Variants in OTOGL observed in about 807,000 individuals in gnomAD.
OTOGL encodes the protein otogelin like, also known as otogelin-like protein.
OTOGL carries 285 observed loss-of-function variants against 318.5 expected under a neutral mutation model. The ratio of observed to expected loss-of-function variants is 0.89; its 90% CI spans 0.81 to 0.99. The LOEUF is 0.99. Ranked by LOEUF, OTOGL falls within the 50% of genes least tolerant of loss-of-function variation. OTOGL has a pLI of 0.00. For synonymous variants in OTOGL, 987 were observed against 936.5 expected (o/e 1.05, Z -0.99); for missense variants, 2,899 against 2,845.6 (o/e 1.02, Z -0.43).
intron 44 of OTOGL, among the ~76,000 whole-genome samples, chr12:80,345,993 C>T (rs969773160): frequency 1.2e-4 from 19 of 152,052 alleles, no homozygotes; most frequent in African/African-American, 1.9e-4. Flanking sequence ...TATTGCAAAA[C>T]GGAGGTAGAG....
chr12:80,322,194 G>A (rs1219567247), intron 34 of OTOGL, among the ~76,000 whole-genome samples: 1 of 152,138 alleles, frequency 6.6e-6, no homozygotes, highest in African/African-American at 2.4e-5. Flanking sequence ...CCTACACTGT[G>A]CTCTTGAGAA....
In OTOGL at chr12:80,341,845, G is replaced by A. The variant is rs1592730131; in HGVS notation, c.5051-103G>A. The A allele has an allele frequency of 5.1e-6, 4 of 789,814 alleles. No individual in the cohort carries two copies. The East Asian group carries it at 1.1e-4, about 21-fold the overall frequency. 48.9% of individuals were successfully genotyped at this position (789,814 alleles called of 1,614,324 possible). ...GATACATAAACTTGGTACCTTATATGGTAAATCATTTGTTCATTTAAAATC... is the reference window on the plus strand; with the variant it reads ...GATACATAAACTTGGTACCTTATATAGTAAATCATTTGTTCATTTAAAATC... On this transcript the variant is annotated intron_variant, in intron 43 of 58. Coordinates refer to ENST00000547103, the MANE Select transcript of OTOGL (RefSeq NM_001378609.3).
chr12:80,302,627 T>C lies in OTOGL; in HGVS notation c.3064-7T>C, dbSNP rs778484684. 4.0e-5 allele frequency: 54 copies of C among 1,341,512 alleles called. No homozygotes were observed. The highest frequency in any genetic ancestry group is 1.4e-4 in the Admixed American group (4 of 29,030). 83.1% of individuals were successfully genotyped at this position (1,341,512 alleles called of 1,614,324 possible). ...TCACTTTGTTTATTTTCTTTTTTGT[T>C]TTTAAGAAACAATCAGGTTTTTTTC... On this transcript the variant is annotated splice_polypyrimidine_tract_variant and splice_region_variant and intron_variant, in intron 27 of 58. Coordinates refer to ENST00000547103, the MANE Select transcript of OTOGL (RefSeq NM_001378609.3).
Position 80,252,257 on chromosome 12 carries a change from T to C in OTOGL, c.1285+56T>C. ...ACTCATGGAAACTAGTACCCAGTGA[T>C]CTAAGGATCACATCTTCGTTTTGCT... On this transcript the variant is annotated intron_variant, in intron 13 of 58. Coordinates refer to ENST00000547103, the MANE Select transcript of OTOGL (RefSeq NM_001378609.3). The C allele has an allele frequency of 2.0e-6, 3 of 1,499,596 alleles. No individual in the cohort carries two copies. The Admixed American group carries it at 6.5e-5, about 32-fold the overall frequency. 92.9% of individuals were successfully genotyped at this position (1,499,596 alleles called of 1,614,324 possible).
At chr12:80,103,372 T>A in intron 1 of OTOGL, 3 of 1,012,450 alleles carry the variant, frequency 3.0e-6, no homozygotes, top group Non-Finnish European at 4.6e-6. Context: ...CTTCTTTTCT[T>A]TTCTTGCAGG....
In OTOGL at chr12:80,318,592, C is replaced by G; in HGVS notation, c.3681C>G (p.Gly1227=). Residue 1227 remains glycine, a synonymous_variant, in exon 33 of 59, where the codon GGC becomes GGG. Coordinates refer to ENST00000547103, the MANE Select transcript of OTOGL (RefSeq NM_001378609.3). ...PYMLASYGQS[G]LVLGANMTSR... Reference sequence around the variant, plus strand: ...TGCTGGCAAGCTATGGGCAGAGTGGCCTTGTTCTGGGGGCCAATATGACCA... The same window carrying G: ...TGCTGGCAAGCTATGGGCAGAGTGGGCTTGTTCTGGGGGCCAATATGACCA... The G allele has an allele frequency of 6.9e-7, 1 of 1,442,896 alleles. No individual in the cohort carries two copies. The highest frequency in any genetic ancestry group is 9.1e-7 in the Non-Finnish European group (1 of 1,098,784). The allele number at this position is 1,442,896 out of a possible 1,614,324, so 89.4% of individuals were successfully genotyped here. A position where few individuals can be genotyped will look rare whatever the true frequency, so the allele number is the denominator to read the frequency against.
In OTOGL at chr12:80,267,245, TCGTATAGATTCCACTGC is replaced by T. The variant is rs757652788; in HGVS notation, c.2391-4_2403del. ...GTATCCTATTTACTTTACTTTTTCT[TCGTATAGATTCCACTGC>T]CGTTGTCATTATAGGGGCAGTGTTT... On this transcript the variant is annotated splice_acceptor_variant and splice_polypyrimidine_tract_variant and coding_sequence_variant and intron_variant, in exon 22 of 59. Coordinates refer to ENST00000547103, the MANE Select transcript of OTOGL (RefSeq NM_001378609.3). LOFTEE classifies it high-confidence loss of function. 6.6e-7 allele frequency: 1 copy of T among 1,505,748 alleles called. No individual in the cohort carries two copies. Among genetic ancestry groups the T allele is most frequent in the Non-Finnish European group, 9.1e-7 (1 of 1,103,642 alleles). 93.3% of individuals were successfully genotyped at this position (1,505,748 alleles called of 1,614,324 possible). A position where few individuals can be genotyped will look rare whatever the true frequency, so the allele number is the denominator to read the frequency against.
chr12:80,132,620 T>C (rs897778418), intron 1 of OTOGL: 1 of 151,430 alleles, frequency 6.6e-6, no homozygotes, highest in African/African-American at 2.5e-5. Flanking sequence ...AATGAAGGTA[T>C]TAAACTATTA....
intron 38 of OTOGL, among the ~76,000 whole-genome samples, chr12:80,333,412 T>G (rs1033078993): frequency 7.2e-5 from 11 of 151,794 alleles, no homozygotes; most frequent in African/African-American, 2.7e-4. Flanking sequence ...GTGTAAGATG[T>G]TAAACATACA....
chr12:80,304,264 A>G (rs1000011328), intron 28 of OTOGL, among the ~76,000 whole-genome samples: 2 of 152,276 alleles, frequency 1.3e-5, no homozygotes, highest in Non-Finnish European at 2.9e-5. Context: ...GCAATTATAA[A>G]TTATTTTATA....
At position 80,372,081 on chromosome 12, in the gene OTOGL, TC is replaced by T; in HGVS notation, c.6781+19del. 1 of 1,502,476 alleles carries T rather than the reference TC, an allele frequency of 6.7e-7. No homozygotes were observed. Among genetic ancestry groups the T allele is most frequent in the Non-Finnish European group, 9.0e-7 (1 of 1,116,598 alleles). 93.1% of individuals were successfully genotyped at this position (1,502,476 alleles called of 1,614,324 possible). ...GCAAGATCTGTAAGTGAGAGCATAT[TC>T]CATGCATTTACTTGATAGATTAGTT... On this transcript the variant is annotated intron_variant, in intron 57 of 58. Coordinates refer to ENST00000547103, the MANE Select transcript of OTOGL (RefSeq NM_001378609.3).
intron 35 of OTOGL, among the ~76,000 whole-genome samples, chr12:80,325,557 G>A (rs1456800428): frequency 6.6e-6 from 1 of 152,214 alleles, no homozygotes; most frequent in Non-Finnish European, 1.5e-5. Context: ...GCTACACCCT[G>A]TTGTTTGTCA....
At chr12:80,116,607 A>G (rs1237996613) in intron 1 of OTOGL, among the ~76,000 whole-genome samples, 1 of 152,194 alleles carries the variant, frequency 6.6e-6, no homozygotes, top group Non-Finnish European at 1.5e-5. Flanking sequence ...TAGGTCCCCC[A>G]GAAAACAAAA....
chr12:80,124,793 T>G (rs952430895), intron 1 of OTOGL, among the ~76,000 whole-genome samples: 7 of 152,216 alleles, frequency 4.6e-5, no homozygotes, highest in African/African-American at 1.7e-4. Flanking sequence ...TTATTCTCTT[T>G]GAAGCAATTG....
At chr12:80,174,918 G>C (rs915364274) in intron 1 of OTOGL, among the ~76,000 whole-genome samples, 1 of 146,182 alleles carries the variant, frequency 6.8e-6, no homozygotes, top group African/African-American at 2.4e-5. Flanking sequence ...AGTGGCGAGG[G>C]CTAAAACATG....
intron 7 of OTOGL, among the ~76,000 whole-genome samples, chr12:80,223,550 G>A (rs1020725411): frequency 8.5e-5 from 13 of 152,116 alleles, no homozygotes; most frequent in African/African-American, 2.4e-4. Flanking sequence ...ACCAACAACC[G>A]TGTGAAAGTG....
chr12:80,344,198 A>C (rs1889017514), intron 44 of OTOGL, among the ~76,000 whole-genome samples: 1 of 152,238 alleles, frequency 6.6e-6, no homozygotes, highest in Admixed American at 6.5e-5. Context: ...TTTAAAACTC[A>C]TTCAGTACCA....
chr12:80,195,282 A>G (rs567789418), intron 1 of OTOGL, among the ~76,000 whole-genome samples: 1 of 152,312 alleles, frequency 6.6e-6, no homozygotes, highest in Non-Finnish European at 1.5e-5. Context: ...GGCAGGGAAA[A>G]GAATGGTTAA....
intron 28 of OTOGL, among the ~76,000 whole-genome samples, chr12:80,303,936 A>T (rs1885941227): frequency 6.6e-6 from 1 of 152,246 alleles, no homozygotes; most frequent in Non-Finnish European, 1.5e-5. Context: ...TACATAGAAC[A>T]TACCTGTCAA....
Sources: gnomAD v4.1 joint callset for allele counts (sites outside exome capture counted in the v4.1 genomes callset) on GRCh38, gnomAD v4.1.1 for gene constraint, MANE v1.5 for transcripts, NCBI Gene and HGNC (gene_info 2026-07-23, HGNC 2026-07-21) for gene names.